The following ATP9A variants were observed in gnomAD, a reference collection of about 807,000 sequenced individuals.
ATP9A encodes ATPase phospholipid transporting 9A, also known as probable phospholipid-transporting ATPase IIA.
A neutral mutation model predicts 144.1 loss-of-function variants in ATP9A; 52 were observed. The ratio of observed to expected loss-of-function variants is 0.36; its 90% CI spans 0.29 to 0.45. The LOEUF is 0.45. Ranked by LOEUF, ATP9A falls within the 20% of genes least tolerant of loss-of-function variation. ATP9A has a pLI of 1.00. For missense variants in ATP9A, 947 were observed against 1,392.7 expected (o/e 0.68, Z 5.09); for synonymous variants, 582 against 557.4 (o/e 1.04, Z -0.62).
intron 14 of ATP9A, among the ~76,000 whole-genome samples, chr20:51,656,422 G>A (rs181524204): frequency 1.1e-3 from 173 of 152,088 alleles, no homozygotes; most frequent in African/African-American, 4.1e-3. Context: ...GCATGGTGGT[G>A]GGTGCCTGTA....
At chr20:51,637,306 T>TAAA (rs3029335) in intron 15 of ATP9A, among the ~76,000 whole-genome samples, 3,336 of 89,888 alleles carry the variant, frequency 0.037, 124 homozygotes, top group African/African-American at 0.056. Context: ...TCCCTAACAT[T>TAAA]AAAAAAAAAA....
chr20:51,603,750 T>C (rs987573168), intron 27 of ATP9A, among the ~76,000 whole-genome samples: 6 of 149,180 alleles, frequency 4.0e-5, no homozygotes, highest in Non-Finnish European at 1.5e-5. Context: ...CCCCCATCTC[T>C]ACATTCCCAT....
chr20:51,657,394 T>G (rs776330633), intron 13 of ATP9A, among the ~76,000 whole-genome samples: 1 of 151,690 alleles, frequency 6.6e-6, no homozygotes, highest in Non-Finnish European at 1.5e-5. Flanking sequence ...ACGAGAACGA[T>G]TCTACCTGCA....
At chr20:51,755,994 C>T (rs1415521259) in intron 1 of ATP9A, among the ~76,000 whole-genome samples, 1 of 152,054 alleles carries the variant, frequency 6.6e-6, no homozygotes, top group Non-Finnish European at 1.5e-5. Context: ...CTATTCATGA[C>T]ATTAATTTCA....
At chr20:51,622,006 A>G (rs2235862) in intron 19 of ATP9A, 68 bp downstream of exon 19, 662,413 of 1,370,764 alleles carry the variant, frequency 0.48, 163,254 homozygotes, top group African/African-American at 0.63. Flanking sequence ...GGGCCCACTC[A>G]AGGTTAGGAG....
intron 24 of ATP9A, among the ~76,000 whole-genome samples, chr20:51,608,925 G>C (rs949778325): frequency 6.7e-6 from 1 of 148,942 alleles, no homozygotes; most frequent in African/African-American, 2.5e-5. Flanking sequence ...AATAAGACGT[G>C]TGTGTGTGTG....
chr20:51,720,817 C>A (rs373184092), intron 3 of ATP9A, among the ~76,000 whole-genome samples: 9 of 152,128 alleles, frequency 5.9e-5, no homozygotes, highest in African/African-American at 2.2e-4. Flanking sequence ...CTAGGCGACA[C>A]AGCGAGACTC....
chr20:51,675,382 T>C (rs2122793663), intron 10 of ATP9A, among the ~76,000 whole-genome samples: 1 of 152,300 alleles, frequency 6.6e-6, no homozygotes, highest in South Asian at 2.1e-4. Context: ...AGGGGTAAGC[T>C]GTGATGGTGG....
intron 9 of ATP9A, among the ~76,000 whole-genome samples, chr20:51,685,024 A>ATT (rs1568819663): frequency 2.3e-4 from 32 of 139,418 alleles, no homozygotes; most frequent in African/African-American, 8.4e-4. Context: ...AAATAAAAAA[A>ATT]AAAAAAAAAA....
chr20:51,652,566 G>T (rs1341255361), intron 14 of ATP9A, among the ~76,000 whole-genome samples: 3 of 152,168 alleles, frequency 2.0e-5, no homozygotes, highest in African/African-American at 7.2e-5. Flanking sequence ...ACGGCTTTCT[G>T]AAAGATTTCA....
At chr20:51,743,639 G>A (rs1376632603) in intron 1 of ATP9A, among the ~76,000 whole-genome samples, 2 of 148,250 alleles carry the variant, frequency 1.3e-5, no homozygotes, top group South Asian at 2.1e-4. Context: ...TACTGACCTC[G>A]TGATTCGCCC....
intron 15 of ATP9A, among the ~76,000 whole-genome samples, chr20:51,629,881 C>T (rs553886313): frequency 5.4e-4 from 83 of 152,330 alleles, no homozygotes; most frequent in African/African-American, 1.9e-3. Context: ...GCATGTAGCA[C>T]AGAGACTGAC....
At chr20:51,730,049 TC>T in intron 1 of ATP9A, 71 bp from the exon 2 acceptor site, 7 of 1,373,088 alleles carry the variant, frequency 5.1e-6, no homozygotes, top group Non-Finnish European at 5.7e-6. Flanking sequence ...TGCCCACTCT[TC>T]GCAGATTGCT....
At chr20:51,750,310 G>A (rs141302146) in intron 1 of ATP9A, among the ~76,000 whole-genome samples, 118 of 152,256 alleles carry the variant, frequency 7.8e-4, no homozygotes, top group African/African-American at 2.7e-3. Flanking sequence ...AACGTGCTCC[G>A]TCACTAAGCG....
In ATP9A at chr20:51,725,832, T is replaced by C. The variant is rs1020730880; in HGVS notation, c.314A>G (p.Tyr105Cys). The C allele has an allele frequency of 5.6e-6, 9 of 1,601,842 alleles. No individual in the cohort carries two copies. Among genetic ancestry groups the C allele is most frequent in the Admixed American group, 1.7e-5 (1 of 59,992 alleles). Residue 105 changes from tyrosine (Y) to cysteine (C), a missense_variant, in exon 3 of 28, where the codon TAC becomes TGC. Coordinates refer to ENST00000338821, the MANE Select transcript of ATP9A (RefSeq NM_006045.3). Reference protein sequence around the residue: ...PEMRLGALYTYWVPLGFVLAV... With the variant: ...PEMRLGALYTCWVPLGFVLAV... ...CGATTAACTTACCAGGGGAACCCAG[T>C]AGGTATAGAGTGCACCAAGTCTCAT...
chr20:51,668,937 G>A (rs763933163), intron 13 of ATP9A, among the ~76,000 whole-genome samples: 8 of 152,192 alleles, frequency 5.3e-5, no homozygotes, highest in Non-Finnish European at 1.0e-4. Flanking sequence ...AGTATTCAGG[G>A]ATTCTGCCTT....
intron 1 of ATP9A, among the ~76,000 whole-genome samples, chr20:51,736,278 T>C (rs2077762302): frequency 6.6e-6 from 1 of 152,194 alleles, no homozygotes; most frequent in South Asian, 2.1e-4. Flanking sequence ...CAGGGCTTTG[T>C]CACCAGGGCA....
rs146690424 is a variant in ATP9A, at chr20:51,707,791, G to A, written c.436+5175C>T. 3.4e-4 allele frequency among the ~76,000 whole-genome samples: 52 copies of A among 152,200 alleles called. 1 individual carries two copies. The East Asian group carries it at 6.0e-3, about 18-fold the overall frequency. ...ACTTCCTGGGACCCCAGGCTCTCAC[G>A]TTCATCTCTGTGATGCAGAAACCTA... On this transcript the variant is annotated intron_variant, in intron 4 of 27. Coordinates refer to ENST00000338821, the MANE Select transcript of ATP9A (RefSeq NM_006045.3).
intron 15 of ATP9A, among the ~76,000 whole-genome samples, chr20:51,638,188 T>C (rs960766700): frequency 2.1e-5 from 3 of 141,122 alleles, no homozygotes; most frequent in South Asian, 4.4e-4. Flanking sequence ...ATCTTTGCAA[T>C]TGCAAATTGT....
Sources: allele counts gnomAD v4.1 joint callset (sites outside exome capture counted in the v4.1 genomes callset), GRCh38; gene constraint gnomAD v4.1.1; transcripts MANE v1.5; gene names NCBI Gene and HGNC (gene_info 2026-07-23, HGNC 2026-07-21).